IQGAP2: variants seen among roughly 807,000 people sequenced by gnomAD.
IQGAP2 encodes IQ motif containing GTPase activating protein 2, also known as ras GTPase-activating-like protein IQGAP2.
IQGAP2 carries 173 observed loss-of-function variants against 201.3 expected under a neutral mutation model. The ratio of observed to expected loss-of-function variants is 0.86; its 90% CI spans 0.76 to 0.98. IQGAP2 has a LOEUF of 0.98. Among genes scored for constraint, IQGAP2 ranks in the 50% least tolerant of loss-of-function variants. IQGAP2 has a pLI of 0.00. For synonymous variants in IQGAP2, 675 were observed against 673.9 expected (o/e 1.00, Z -0.03); for missense variants, 1,687 against 1,864.8 (o/e 0.90, Z 1.76).
intron 2 of IQGAP2, among the ~76,000 whole-genome samples, chr5:76,483,172 C>T (rs1405635515): frequency 1.3e-5 from 2 of 152,148 alleles, no homozygotes; most frequent in African/African-American, 4.8e-5. Context: ...ATAGTGTTTG[C>T]ACGTTTACTT....
intron 24 of IQGAP2, 106 bp from the exon 25 acceptor site, chr5:76,673,343 G>A: frequency 8.6e-7 from 1 of 1,164,340 alleles, no homozygotes; most frequent in South Asian, 1.8e-5. Flanking sequence ...GGAGTCAGTG[G>A]CAAAGTCCAA....
intron 2 of IQGAP2, among the ~76,000 whole-genome samples, chr5:76,549,794 C>T (rs1375049422): frequency 2.6e-5 from 4 of 152,242 alleles, no homozygotes; most frequent in South Asian, 2.1e-4. Flanking sequence ...ACAGTAGCCA[C>T]ACCTAATCAC....
rs1748039084 is a variant in IQGAP2, at chr5:76,707,791, G to A, written c.*478G>A. 1 of 152,730 alleles carries A rather than the reference G, an allele frequency of 6.5e-6. No homozygotes were observed. Among genetic ancestry groups the A allele is most frequent in the Non-Finnish European group, 1.5e-5 (1 of 68,150 alleles). 9.5% of individuals were successfully genotyped at this position (152,730 alleles called of 1,614,324 possible). A position where few individuals can be genotyped will look rare whatever the true frequency, so the allele number is the denominator to read the frequency against. On this transcript the variant is annotated 3_prime_UTR_variant, in exon 36 of 36. Coordinates refer to ENST00000274364, the MANE Select transcript of IQGAP2 (RefSeq NM_006633.5). Reference sequence around the variant, plus strand: ...TCTTCTGGGAGTTATCAATTTTAAAGAGAACTTTTGTGCAATTCAAATGAA... The same window carrying A: ...TCTTCTGGGAGTTATCAATTTTAAAAAGAACTTTTGTGCAATTCAAATGAA...
intron 1 of IQGAP2, among the ~76,000 whole-genome samples, chr5:76,409,737 A>G (rs1290967518): frequency 6.7e-6 from 1 of 149,860 alleles, no homozygotes; most frequent in Non-Finnish European, 1.5e-5. Flanking sequence ...CCCATACCTT[A>G]AAGTCTGGGA....
rs568973180 is a variant in IQGAP2, at chr5:76,551,672, G to C, written c.147-10724G>C. On this transcript the variant is annotated intron_variant, in intron 2 of 35. Transcript: ENST00000274364. ...GCTGGAGACCAGCCCAGCCAACACG[G>C]CGAAACCCCGTCTCCACCAAAAAAT... 4.3e-4 allele frequency among the ~76,000 whole-genome samples: 58 copies of C among 135,408 alleles called. 1 individual carries two copies. In the East Asian group the frequency reaches 0.01, roughly 24 times the overall value. 88.8% of individuals were successfully genotyped at this position (135,408 alleles called of 152,430 possible).
chr5:76,427,438 T>C (rs994487357), intron 1 of IQGAP2, among the ~76,000 whole-genome samples: 1 of 152,106 alleles, frequency 6.6e-6, no homozygotes, highest in African/African-American at 2.4e-5. Flanking sequence ...TGAGCTGAGC[T>C]CTCCCCCCTC....
At chr5:76,465,646 A>G (rs1754732369) in intron 2 of IQGAP2, among the ~76,000 whole-genome samples, 1 of 152,230 alleles carries the variant, frequency 6.6e-6, no homozygotes, top group Non-Finnish European at 1.5e-5. Flanking sequence ...TAAAAAACAG[A>G]ACAGAAGAAA....
intron 2 of IQGAP2, among the ~76,000 whole-genome samples, chr5:76,519,678 TG>T (rs1021341160): frequency 6.6e-6 from 1 of 152,242 alleles, no homozygotes; most frequent in African/African-American, 2.4e-5. Context: ...TATTTTTTTC[TG>T]CAACTTCCTC....
rs1460371875 is a variant in IQGAP2 at position 76,610,897 on chromosome 5, T to C, written c.1358-123T>C. The C allele has an allele frequency of 4.5e-6, 3 of 660,008 alleles. No homozygotes were observed. In the East Asian group the frequency reaches 8.2e-5, roughly 18 times the overall value. The allele number at this position is 660,008 out of a possible 1,614,324, so 40.9% of individuals were successfully genotyped here. A position where few individuals can be genotyped will look rare whatever the true frequency, so the allele number is the denominator to read the frequency against. ...GAGCGTATAGACACATAATTGGTTTTGTGCTTGCATCTTGCATCCTATAGC... is the reference window on the plus strand; with the variant it reads ...GAGCGTATAGACACATAATTGGTTTCGTGCTTGCATCTTGCATCCTATAGC... On this transcript the variant is annotated intron_variant, in intron 12 of 35. Transcript: ENST00000274364.
At chr5:76,635,022 A>T (rs2431360) in intron 15 of IQGAP2, among the ~76,000 whole-genome samples, 86,844 of 152,016 alleles carry the variant, frequency 0.57, 24,888 homozygotes, top group South Asian at 0.62. Flanking sequence ...TAGGAATTCT[A>T]CTTTCCTATT....
intron 14 of IQGAP2, chr5:76,628,716 G>C (rs1381637642): frequency 2.2e-6 from 1 of 456,210 alleles, no homozygotes; most frequent in South Asian, 1.5e-5. Context: ...GCATCTGTGA[G>C]AAACATCTGG....
At chr5:76,511,267 G>A (rs1375336517) in intron 2 of IQGAP2, among the ~76,000 whole-genome samples, 3 of 152,124 alleles carry the variant, frequency 2.0e-5, no homozygotes, top group Admixed American at 6.5e-5. Flanking sequence ...TCACATCTCC[G>A]AGATCCTTTT....
chr5:76,571,572 T>A (rs79048986), intron 4 of IQGAP2, among the ~76,000 whole-genome samples: 1,537 of 152,314 alleles, frequency 0.01, 9 homozygotes, highest in Non-Finnish European at 0.016. Flanking sequence ...CTAAATATAA[T>A]TTAACTCAGC....
At chr5:76,641,842 A>C (rs1014653860) in intron 17 of IQGAP2, among the ~76,000 whole-genome samples, 4 of 152,198 alleles carry the variant, frequency 2.6e-5, no homozygotes, top group Non-Finnish European at 5.9e-5. Context: ...TCCTAAATTG[A>C]ACATTTTTCT....
intron 2 of IQGAP2, among the ~76,000 whole-genome samples, chr5:76,492,300 G>A (rs1756600917): frequency 6.6e-6 from 1 of 152,210 alleles, no homozygotes; most frequent in Admixed American, 6.5e-5. Flanking sequence ...GTTCTCTGGA[G>A]TGTGAGGTGC....
chr5:76,585,982 A>C (rs939573790), intron 5 of IQGAP2, among the ~76,000 whole-genome samples: 1 of 152,170 alleles, frequency 6.6e-6, no homozygotes, highest in African/African-American at 2.4e-5. Context: ...GCACCCTTTT[A>C]ACTGGAATTT....
chr5:76,687,662 G>C (rs1193377149), intron 30 of IQGAP2, among the ~76,000 whole-genome samples: 1 of 152,142 alleles, frequency 6.6e-6, no homozygotes, highest in Non-Finnish European at 1.5e-5. Context: ...AGTGGCAGCA[G>C]TAGATTCTCA....
intron 17 of IQGAP2, among the ~76,000 whole-genome samples, chr5:76,642,422 G>A (rs769169991): frequency 2.6e-5 from 4 of 152,104 alleles, no homozygotes; most frequent in Non-Finnish European, 5.9e-5. Flanking sequence ...AAGAATTGAC[G>A]AAGCAGCCAT....
chr5:76,551,255 C>T (rs532453991), intron 2 of IQGAP2, among the ~76,000 whole-genome samples: 4 of 149,014 alleles, frequency 2.7e-5, no homozygotes, highest in African/African-American at 7.5e-5. Context: ...ACATCCCAGA[C>T]GGGGCGGCGG....
Sources: allele counts gnomAD v4.1 joint callset (sites outside exome capture counted in the v4.1 genomes callset), GRCh38; gene constraint gnomAD v4.1.1; transcripts MANE v1.5; gene names NCBI Gene and HGNC (gene_info 2026-07-23, HGNC 2026-07-21).